Variants in SESTD1 observed in about 807,000 individuals in gnomAD.
The protein encoded by SESTD1 is SEC14 domain and spectrin repeat-containing protein 1.
A neutral mutation model predicts 101.7 loss-of-function variants in SESTD1; 43 were observed. The ratio of observed to expected loss-of-function variants is 0.42; its 90% confidence interval spans 0.33 to 0.55. The LOEUF (loss-of-function observed/expected upper bound fraction) is 0.55. Ranked by LOEUF, SESTD1 falls within the 20% of genes least tolerant of loss-of-function variation. The probability of loss-of-function intolerance (pLI) is 0.07; values close to 1 mark genes in which losing one functional copy is unlikely to be tolerated. For synonymous variants in SESTD1, 283 were observed against 286.8 expected, an observed-to-expected ratio of 0.99 and a Z score of 0.13; for missense variants, 647 against 815.1, an observed-to-expected ratio of 0.79 and a Z score of 2.51.
chr2:179,169,521 A>G (rs6756151), intron 5 of SESTD1, among the ~76,000 whole-genome samples: 106 of 152,320 alleles, frequency 7.0e-4, no homozygotes, highest in Non-Finnish European at 8.8e-4. Flanking sequence ...TCTTTCAGTT[A>G]TTAAAAAAAC....
chr2:179,118,418 G>A (rs184822151), intron 13 of SESTD1, among the ~76,000 whole-genome samples: 2 of 151,974 alleles, frequency 1.3e-5, no homozygotes, highest in East Asian at 1.9e-4. Flanking sequence ...GAAATTCTGC[G>A]TACTGCAGGT....
intron 2 of SESTD1, among the ~76,000 whole-genome samples, chr2:179,190,492 T>C (rs759817184): frequency 6.6e-5 from 10 of 152,092 alleles, no homozygotes; most frequent in Non-Finnish European, 1.2e-4. Context: ...AAAAAAATTA[T>C]GACTAAGTCC....
chr2:179,198,629 C>T (rs1401573863), intron 1 of SESTD1, among the ~76,000 whole-genome samples: 9 of 151,688 alleles, frequency 5.9e-5, no homozygotes, highest in Admixed American at 2.6e-4. Flanking sequence ...TGCAATCAAA[C>T]TAGAACTCAG....
chr2:179,136,308 T>C (rs189356777), intron 9 of SESTD1, among the ~76,000 whole-genome samples: 262 of 152,318 alleles, frequency 1.7e-3, no homozygotes, highest in South Asian at 0.016. Context: ...TTTTCTTACT[T>C]TTTCTGTAGC....
In SESTD1 at chr2:179,132,284, C is replaced by T. The variant is rs1452246578; in HGVS notation, c.972+20G>A. The T allele has an allele frequency of 5.9e-6, 9 of 1,528,350 alleles. No homozygotes were observed. The highest frequency in any genetic ancestry group is 4.3e-5 in the African/African-American group (3 of 69,312). 94.7% of individuals were successfully genotyped at this position (1,528,350 alleles called of 1,614,324 possible). A position where few individuals can be genotyped will look rare whatever the true frequency, so the allele number is the denominator to read the frequency against. ...ACGTTCATAATATCATTGTAACTTGCAGAGGAAAAAGCCTCTCACACTGTG... is the reference window on the plus strand; with the variant it reads ...ACGTTCATAATATCATTGTAACTTGTAGAGGAAAAAGCCTCTCACACTGTG... On this transcript the variant is annotated intron_variant, in intron 10 of 17. Transcript: ENST00000428443.
At chr2:179,199,475 T>C (rs1368729929) in intron 1 of SESTD1, among the ~76,000 whole-genome samples, 3 of 152,204 alleles carry the variant, frequency 2.0e-5, no homozygotes, top group African/African-American at 7.2e-5. Flanking sequence ...ATCATCCTGA[T>C]ACCAAAGCCA....
intron 2 of SESTD1, among the ~76,000 whole-genome samples, chr2:179,187,790 A>G (rs1378297037): frequency 6.6e-6 from 1 of 152,236 alleles, no homozygotes; most frequent in Non-Finnish European, 1.5e-5. Flanking sequence ...TTCTCATATC[A>G]GAAAAAACAG....
intron 9 of SESTD1, among the ~76,000 whole-genome samples, chr2:179,141,491 C>T (rs1014140779): frequency 2.0e-5 from 3 of 151,280 alleles, no homozygotes; most frequent in Admixed American, 6.6e-5. Flanking sequence ...AGGACAATGT[C>T]ATACTATTGT....
At chr2:179,192,207 G>A (rs543728564) in intron 1 of SESTD1, among the ~76,000 whole-genome samples, 2 of 152,216 alleles carry the variant, frequency 1.3e-5, no homozygotes, top group African/African-American at 4.8e-5. Flanking sequence ...CTAAAACACT[G>A]CCTGGTACAT....
At chr2:179,172,583 AT>A (rs1279489814) in intron 4 of SESTD1, among the ~76,000 whole-genome samples, 1 of 152,208 alleles carries the variant, frequency 6.6e-6, no homozygotes, top group East Asian at 1.9e-4. Context: ...AGTATGAAAA[AT>A]TTTTTCTAAC....
chr2:179,213,660 A>G (rs1367317710), intron 1 of SESTD1, among the ~76,000 whole-genome samples: 4 of 134,714 alleles, frequency 3.0e-5, no homozygotes, highest in African/African-American at 8.8e-5. Flanking sequence ...CCACAAAGAT[A>G]CTACTCAACA....
rs575897298 is a variant in SESTD1 at position 179,254,193 on chromosome 2, C to T, written c.-26+10306G>A. Among the ~76,000 whole-genome samples the T allele has an allele frequency of 2.6e-5, 4 of 151,824 alleles. No individual in the cohort carries two copies. In the East Asian group the frequency reaches 5.8e-4, roughly 22 times the overall value. On this transcript the variant is annotated intron_variant, in intron 1 of 17. Transcript: ENST00000428443. ...TTAACTTTTAAAATAAAAAGGATGA[C>T]CAGGAACTGAACTAAGACAAAGACT... is the stretch of plus-strand genomic sequence containing the variant.
chr2:179,136,316 A>G (rs1295928440), intron 9 of SESTD1, among the ~76,000 whole-genome samples: 5 of 152,180 alleles, frequency 3.3e-5, no homozygotes, highest in African/African-American at 9.7e-5. Flanking sequence ...CTTTTTCTGT[A>G]GCCTAGTTCC....
chr2:179,132,219 G>T, intron 10 of SESTD1, 85 bp downstream of exon 10: 3 of 1,413,764 alleles, frequency 2.1e-6, no homozygotes, highest in South Asian at 3.8e-5. Flanking sequence ...AAAGTTTGCA[G>T]CAACTTATCA....
chr2:179,182,075 C>T (rs1156598813), intron 3 of SESTD1, among the ~76,000 whole-genome samples: 1 of 150,174 alleles, frequency 6.7e-6, no homozygotes, highest in Non-Finnish European at 1.5e-5. Flanking sequence ...GTTGTTTTAA[C>T]CCCATACTCT....
At chr2:179,123,116 A>G (rs2044790125) in intron 12 of SESTD1, among the ~76,000 whole-genome samples, 1 of 151,846 alleles carries the variant, frequency 6.6e-6, no homozygotes, top group South Asian at 2.1e-4. Flanking sequence ...TCACATCCTG[A>G]CCTTTTAGGA....
chr2:179,137,674 T>C (rs2045180815), intron 9 of SESTD1, among the ~76,000 whole-genome samples: 1 of 152,184 alleles, frequency 6.6e-6, no homozygotes, highest in Admixed American at 6.5e-5. Context: ...CCACATGAAG[T>C]CTTGTGCTAC....
Position 179,163,988 on chromosome 2 carries a change from T to C in SESTD1, c.369+8132A>G, listed in dbSNP as rs550663460. Among the ~76,000 whole-genome samples the C allele has an allele frequency of 2.6e-5, 4 of 152,334 alleles. No individual in the cohort carries two copies. In the South Asian group the frequency reaches 8.3e-4, roughly 32 times the overall value. On this transcript the variant is annotated intron_variant, in intron 5 of 17. Transcript: ENST00000428443. ...ACCTACCACTGAAACTTGCATTTTG[T>C]AGGCACTGAGATGGTTTATTATTAT...
chr2:179,213,351 G>A (rs956567214), intron 1 of SESTD1, among the ~76,000 whole-genome samples: 2 of 134,380 alleles, frequency 1.5e-5, no homozygotes, highest in Non-Finnish European at 3.2e-5. Context: ...TCAAGACGCA[G>A]GCACAAGCTT....
Sources: allele counts gnomAD v4.1 joint callset (sites outside exome capture counted in the v4.1 genomes callset), GRCh38; gene constraint gnomAD v4.1.1; transcripts MANE v1.5; gene names NCBI Gene and HGNC (gene_info 2026-07-23, HGNC 2026-07-21).